Variants in PRKD3 observed in about 807,000 individuals in gnomAD.
PRKD3 encodes protein kinase D3.
PRKD3 carries 47 observed loss-of-function variants against 99.2 expected under a neutral mutation model. The observed-to-expected ratio is 0.47, with a 90% confidence interval of 0.38 to 0.60. The LOEUF is 0.60. Ranked by LOEUF, PRKD3 falls within the 20% of genes least tolerant of loss-of-function variation. The probability of loss-of-function intolerance (pLI) is 0.00; values close to 1 mark genes in which losing one functional copy is unlikely to be tolerated. For synonymous variants in PRKD3, 392 were observed against 355.4 expected (o/e 1.10, Z -1.16); for missense variants, 1,019 against 1,088.4 (o/e 0.94, Z 0.90).
At chr2:37,265,766 A>G (rs1231358598) in intron 14 of PRKD3, among the ~76,000 whole-genome samples, 1 of 152,222 alleles carries the variant, frequency 6.6e-6, no homozygotes. Flanking sequence ...GACATCCTAC[A>G]ATCTATTCCC....
rs1669126805 is a variant in PRKD3, at chr2:37,270,103, T to G, written c.1705-416A>C. Among the ~76,000 whole-genome samples, 4 of 152,146 alleles carry G rather than the reference T, an allele frequency of 2.6e-5. No homozygotes were observed. In the South Asian group the frequency reaches 8.3e-4, roughly 32 times the overall value. ...TTAGCCAGGTGAGATGGTGCATGCCTGTAATCCTAGCTACTCGGGAGGCTG... is the reference window on the plus strand; with the variant it reads ...TTAGCCAGGTGAGATGGTGCATGCCGGTAATCCTAGCTACTCGGGAGGCTG... On this transcript the variant is annotated intron_variant, in intron 12 of 18. Transcript: ENST00000234179.
chr2:37,274,435 T>C lies in PRKD3; in HGVS notation c.1637A>G (p.Gln546Arg), dbSNP rs17856887. ...PQASVCTSPGQGKDHKDLSTS... is the reference protein window; with the variant it reads ...PQASVCTSPGRGKDHKDLSTS... The stretch of plus-strand genomic sequence containing the variant: ...TTATTGCTTACTGTGATCTTTCCCT[T>C]GCCCTGGAGAAGTGCAAACACTTGC... Residue 546 changes from glutamine (Q) to arginine (R), a missense_variant, in exon 11 of 19, where the codon CAA (glutamine) becomes CGA (arginine). Gln to Arg is a conservative substitution (Grantham distance 43). Transcript: ENST00000234179. The C allele has an allele frequency of 6.2e-7, 1 of 1,614,136 alleles. No individual in the cohort carries two copies. The highest frequency in any genetic ancestry group is 8.5e-7 in the Non-Finnish European group (1 of 1,179,978).
chr2:37,313,580 G>A (rs1431582223), intron 2 of PRKD3, among the ~76,000 whole-genome samples: 2 of 152,210 alleles, frequency 1.3e-5, no homozygotes, highest in Admixed American at 6.5e-5. Context: ...ATTAATACAT[G>A]CAAGCTAAAA....
intron 10 of PRKD3, among the ~76,000 whole-genome samples, chr2:37,275,012 T>G (rs1669495597): frequency 6.6e-6 from 1 of 152,190 alleles, no homozygotes; most frequent in Non-Finnish European, 1.5e-5. Flanking sequence ...TTAATTCAGC[T>G]TCACAACTAC....
chr2:37,273,399 T>C (rs1399159001), intron 11 of PRKD3, among the ~76,000 whole-genome samples: 3 of 152,138 alleles, frequency 2.0e-5, no homozygotes, highest in Non-Finnish European at 4.4e-5. Context: ...CTCATCACAC[T>C]TGTCTCAACT....
At chr2:37,306,346 A>C (rs987823961) in intron 2 of PRKD3, among the ~76,000 whole-genome samples, 2 of 152,192 alleles carry the variant, frequency 1.3e-5, no homozygotes, top group African/African-American at 4.8e-5. Context: ...TTCGGGTTTA[A>C]TCAGTAAAAA....
intron 13 of PRKD3, 80 bp from the exon 14 acceptor site, chr2:37,267,616 A>C: frequency 9.8e-7 from 1 of 1,023,030 alleles, no homozygotes; most frequent in Non-Finnish European, 1.5e-6. Context: ...TGAAATTTAT[A>C]TGTATTTACT....
Position 37,317,049 on chromosome 2 carries a change from T to A in PRKD3, c.-525A>T, listed in dbSNP as rs1671698348. ...ACACCTTAAATCACCTTCTCAAATG[T>A]CCTCATTTTCATTCTGGGGGGATGA... On this transcript the variant is annotated 5_prime_UTR_variant, in exon 2 of 19. Transcript: ENST00000234179. 3 of 985,872 alleles carry A rather than the reference T, an allele frequency of 3.0e-6. No homozygotes were observed. The highest frequency in any genetic ancestry group is 5.2e-4 in the Middle Eastern group (1 of 1,914). The allele number at this position is 985,872 out of a possible 1,614,324, so 61.1% of individuals were successfully genotyped here.
At chr2:37,301,729 C>A (rs61519361) in intron 2 of PRKD3, among the ~76,000 whole-genome samples, 6,262 of 152,224 alleles carry the variant, frequency 0.041, 361 homozygotes, top group African/African-American at 0.13. Context: ...TATATATATC[C>A]CTTCTAAACA....
Position 37,290,888 on chromosome 2 carries a change from C to T in PRKD3, c.539G>A (p.Arg180His). The T allele has an allele frequency of 3.7e-6, 6 of 1,604,868 alleles. No individual in the cohort carries two copies. Among genetic ancestry groups the T allele is most frequent in the Non-Finnish European group, 4.3e-6 (5 of 1,172,778 alleles). ...CACACCTTCACATTTCAGTCCTTGA[C>T]GTACCAATCCCCAGAGCATCTCACC... ...YCGEMLWGLV[R>H]QGLKCEGCGL... The change falls in exon 4 of 19, where the codon CGT becomes CAT. Residue 180 changes from arginine to histidine, a missense_variant. Transcript: ENST00000234179.
intron 2 of PRKD3, among the ~76,000 whole-genome samples, chr2:37,306,502 A>C (rs1355442613): frequency 6.6e-6 from 1 of 152,180 alleles, no homozygotes; most frequent in Non-Finnish European, 1.5e-5. Flanking sequence ...TCACAATAAA[A>C]ACTGTGCACT....
chr2:37,268,505 A>G (rs1182584634), intron 13 of PRKD3: 2 of 355,884 alleles, frequency 5.6e-6, no homozygotes, highest in Non-Finnish European at 1.1e-5. Flanking sequence ...ACGCTCCAAT[A>G]AAGTTCAGTG....
intron 14 of PRKD3, among the ~76,000 whole-genome samples, chr2:37,261,782 A>AAAACAAAAC (rs202165003): frequency 6.6e-6 from 1 of 152,126 alleles, no homozygotes; most frequent in African/African-American, 2.4e-5. Context: ...CTCTATCTCA[A>AAAACAAAAC]AAACAAAAAA....
At chr2:37,294,998 C>G (rs1015366164) in intron 2 of PRKD3, among the ~76,000 whole-genome samples, 3 of 152,166 alleles carry the variant, frequency 2.0e-5, no homozygotes, top group African/African-American at 7.2e-5. Context: ...TCACTTGAAT[C>G]TGGGAGACAG....
In PRKD3 at chr2:37,256,946, G is replaced by A; in HGVS notation, c.2146-17C>T. On this transcript the variant is annotated splice_polypyrimidine_tract_variant and intron_variant, in intron 16 of 18. Transcript: ENST00000234179. ...CAGCTTCACCTGGAAATTGAAGGATGATGTTAATTTTGTATTATAGTGTTA... is the reference window on the plus strand; with the variant it reads ...CAGCTTCACCTGGAAATTGAAGGATAATGTTAATTTTGTATTATAGTGTTA... 1 of 1,613,418 alleles carries A rather than the reference G, an allele frequency of 6.2e-7. No individual in the cohort carries two copies. Among genetic ancestry groups the A allele is most frequent in the Non-Finnish European group, 8.5e-7 (1 of 1,179,596 alleles).
chr2:37,266,489 CTT>C (rs556254577), intron 14 of PRKD3, among the ~76,000 whole-genome samples: 1 of 129,816 alleles, frequency 7.7e-6, no homozygotes. Context: ...CCACACCCGG[CTT>C]TTTTTTTTTT....
At chr2:37,259,728 T>A (rs1393024514) in intron 15 of PRKD3, 47 bp from the exon 16 acceptor site, 2 of 1,330,762 alleles carry the variant, frequency 1.5e-6, no homozygotes, top group Non-Finnish European at 2.2e-6. Flanking sequence ...AAATCACAAG[T>A]AAACCTCATG....
intron 9 of PRKD3, among the ~76,000 whole-genome samples, chr2:37,276,436 T>G (rs1013710397): frequency 1.3e-5 from 2 of 152,156 alleles, no homozygotes; most frequent in African/African-American, 4.8e-5. Flanking sequence ...GAAATCAAGT[T>G]CTTATGTGTA....
chr2:37,293,951 A>T (rs564494322), intron 2 of PRKD3, among the ~76,000 whole-genome samples: 10 of 152,332 alleles, frequency 6.6e-5, no homozygotes, highest in Admixed American at 2.0e-4. Context: ...CAAATGGAAA[A>T]AGCACAGCCA....
Sources: gnomAD v4.1 joint callset for allele counts (sites outside exome capture counted in the v4.1 genomes callset) on GRCh38, gnomAD v4.1.1 for gene constraint, MANE v1.5 for transcripts, NCBI Gene and HGNC (gene_info 2026-07-23, HGNC 2026-07-21) for gene names.